Variants in SPATS1 observed in about 807,000 individuals in gnomAD.
SPATS1 encodes spermatogenesis associated serine rich 1.
In SPATS1, 23 loss-of-function variants were observed where a neutral mutation model predicts 33.6. That is an observed-to-expected ratio of 0.68 (90% CI 0.49 to 0.97). SPATS1 has a LOEUF of 0.97. SPATS1 is among the 50% of genes least tolerant of loss of function. The pLI, the probability that SPATS1 is intolerant of heterozygous loss-of-function variation, is 0.00. For missense variants in SPATS1, 327 were observed against 361.0 expected (o/e 0.91, Z 0.76); for synonymous variants, 131 against 125.6 (o/e 1.04, Z -0.29).
chr6:44,351,193 A>G (rs1289161776), intron 2 of SPATS1, among the ~76,000 whole-genome samples: 1 of 152,092 alleles, frequency 6.6e-6, no homozygotes, highest in Non-Finnish European at 1.5e-5. Context: ...AATACAAATA[A>G]GTATATAACA....
At chr6:44,356,187 T>C (rs1197550568) in intron 3 of SPATS1, among the ~76,000 whole-genome samples, 3 of 152,160 alleles carry the variant, frequency 2.0e-5, no homozygotes, top group Non-Finnish European at 4.4e-5. Context: ...GTTGATAATC[T>C]CAGTATTCAT....
In SPATS1 at chr6:44,379,102, A is replaced by G. The variant is rs1790091154; in HGVS notation, c.*2039A>G. 1 of 152,162 alleles carries G rather than the reference A, an allele frequency of 6.6e-6. No individual in the cohort carries two copies. The highest frequency in any genetic ancestry group is 6.5e-5 in the Admixed American group (1 of 15,278). The allele number at this position is 152,162 out of a possible 1,614,324, so 9.4% of individuals were successfully genotyped here. A position where few individuals can be genotyped will look rare whatever the true frequency, so the allele number is the denominator to read the frequency against. ...TAAAAAAGTCTTCTTTCCCCTAGTC[A>G]AAAACAATGCCCCACCCCTAAAAAA... On this transcript the variant is annotated 3_prime_UTR_variant, in exon 9 of 9. Coordinates refer to ENST00000674044, the MANE Select transcript of SPATS1 (RefSeq NM_001372081.1).
chr6:44,346,585 T>A (rs946296503), intron 2 of SPATS1, among the ~76,000 whole-genome samples: 1 of 152,126 alleles, frequency 6.6e-6, no homozygotes, highest in Non-Finnish European at 1.5e-5. Context: ...GGTCTCCATA[T>A]GTTGCCTAGG....
chr6:44,360,164 C>G (rs1160690296), intron 3 of SPATS1, among the ~76,000 whole-genome samples: 2 of 152,274 alleles, frequency 1.3e-5, no homozygotes, highest in South Asian at 4.2e-4. Flanking sequence ...GACGGGATCT[C>G]ACTATGCTGT....
rs1041147949 is a variant in SPATS1, at chr6:44,371,136, A to G, written c.758+1023A>G. 7.2e-4 allele frequency among the ~76,000 whole-genome samples: 109 copies of G among 152,072 alleles called. 2 individuals carry two copies. Among genetic ancestry groups the G allele is most frequent in the Admixed American group, 2.6e-4 (4 of 15,268 alleles). On this transcript the variant is annotated intron_variant, in intron 7 of 8. Transcript: ENST00000674044. ...TAGTGAGACCCTATCTCTACAAAAT[A>G]TTTTTTTTAAAAATTAGCCAGGCAT...
chr6:44,350,967 T>C (rs1025996383), intron 2 of SPATS1, among the ~76,000 whole-genome samples: 1 of 151,120 alleles, frequency 6.6e-6, no homozygotes, highest in African/African-American at 2.4e-5. Flanking sequence ...CTACTAAAAA[T>C]ACAAAAATTA....
In SPATS1 at chr6:44,369,329, C is replaced by T. The variant is rs1257959790; in HGVS notation, c.696-722C>T. On this transcript the variant is annotated intron_variant, in intron 6 of 8. Coordinates refer to ENST00000674044, the MANE Select transcript of SPATS1 (RefSeq NM_001372081.1). ...AGGCCAAGGGTGGGGTGGGGTGGAT[C>T]GCCTGAGGTCAGGAGTTCAAGACCA... Among the ~76,000 whole-genome samples, 9 of 151,064 alleles carry T rather than the reference C, an allele frequency of 6.0e-5. No individual in the cohort carries two copies. The South Asian group carries it at 1.0e-3, about 18-fold the overall frequency.
At chr6:44,359,069 T>C (rs928574545) in intron 3 of SPATS1, among the ~76,000 whole-genome samples, 3 of 151,952 alleles carry the variant, frequency 2.0e-5, no homozygotes, top group Non-Finnish European at 4.4e-5. Context: ...GGAGTGATCC[T>C]TCCACCTCAG....
intron 2 of SPATS1, among the ~76,000 whole-genome samples, chr6:44,351,588 C>T (rs1178037798): frequency 3.9e-5 from 6 of 152,114 alleles, no homozygotes; most frequent in African/African-American, 7.2e-5. Flanking sequence ...ATCTTTTCAT[C>T]GGACTTTTTA....
chr6:44,348,924 C>A (rs552823596), intron 2 of SPATS1, among the ~76,000 whole-genome samples: 1 of 152,106 alleles, frequency 6.6e-6, no homozygotes. Context: ...TGAGGTGTGG[C>A]GTTTGAGACC....
chr6:44,369,281 G>A (rs1300977656), intron 6 of SPATS1, among the ~76,000 whole-genome samples: 1 of 152,044 alleles, frequency 6.6e-6, no homozygotes, highest in African/African-American at 2.4e-5. Context: ...GGTGGCTCAC[G>A]CCTGTAACCC....
In SPATS1 at chr6:44,368,316, T is replaced by TA. The variant is rs1789369143; in HGVS notation, c.575-62dup. On this transcript the variant is annotated intron_variant, in intron 5 of 8. Coordinates refer to ENST00000674044, the MANE Select transcript of SPATS1 (RefSeq NM_001372081.1). ...CTCTTTCCATTGTCATGCCAATACT[T>TA]ACAGCAAATCTGTGGATCATCTTCA... The TA allele has an allele frequency of 2.6e-6, 4 of 1,553,598 alleles. No homozygotes were observed. The Admixed American group carries it at 5.3e-5, about 21-fold the overall frequency.
At chr6:44,374,599 C>T (rs1265925468) in intron 7 of SPATS1, among the ~76,000 whole-genome samples, 1 of 152,128 alleles carries the variant, frequency 6.6e-6, no homozygotes, top group African/African-American at 2.4e-5. Context: ...GTGAATTAGG[C>T]CACTTGCATT....
intron 2 of SPATS1, among the ~76,000 whole-genome samples, chr6:44,348,077 C>T (rs1054934744): frequency 6.6e-6 from 1 of 151,290 alleles, no homozygotes; most frequent in African/African-American, 2.4e-5. Flanking sequence ...GGCATGATCT[C>T]AGGTCACTGT....
intron 3 of SPATS1, among the ~76,000 whole-genome samples, chr6:44,354,859 G>C (rs1788469300): frequency 6.6e-6 from 1 of 152,120 alleles, no homozygotes; most frequent in African/African-American, 2.4e-5. Flanking sequence ...ATCTTGTTCT[G>C]TCACCCAGGC....
chr6:44,356,227 A>T (rs540947733), intron 3 of SPATS1, among the ~76,000 whole-genome samples: 1 of 152,260 alleles, frequency 6.6e-6, no homozygotes, highest in Non-Finnish European at 1.5e-5. Context: ...TTGACAGATC[A>T]TACTTGTCTC....
At chr6:44,354,720 C>T (rs768473846) in intron 3 of SPATS1, among the ~76,000 whole-genome samples, 1 of 152,198 alleles carries the variant, frequency 6.6e-6, no homozygotes, top group Non-Finnish European at 1.5e-5. Flanking sequence ...TCACCCAAAG[C>T]CCCTAGTTTA....
intron 7 of SPATS1, among the ~76,000 whole-genome samples, chr6:44,374,805 T>C (rs777987631): frequency 2.6e-5 from 4 of 152,254 alleles, no homozygotes; most frequent in Non-Finnish European, 5.9e-5. Context: ...TCTTTATACA[T>C]TGCTCTTAGT....
At chr6:44,370,683 T>C (rs1303816491) in intron 7 of SPATS1, among the ~76,000 whole-genome samples, 2 of 152,204 alleles carry the variant, frequency 1.3e-5, no homozygotes, top group African/African-American at 2.4e-5. Context: ...TGGGCATGTG[T>C]CCCAGGGTCT....
Sources: gnomAD v4.1 joint callset for allele counts (sites outside exome capture counted in the v4.1 genomes callset) on GRCh38, gnomAD v4.1.1 for gene constraint, MANE v1.5 for transcripts, NCBI Gene and HGNC (gene_info 2026-07-23, HGNC 2026-07-21) for gene names.